CTNNA1: variants seen among roughly 807,000 people sequenced by gnomAD.
CTNNA1 encodes the protein catenin alpha-1.
CTNNA1 carries 37 observed loss-of-function variants against 98.4 expected under a neutral mutation model. The ratio of observed to expected loss-of-function variants is 0.38; its 90% CI spans 0.29 to 0.49. CTNNA1 has a LOEUF of 0.49. Ranked by LOEUF, CTNNA1 falls within the 20% of genes least tolerant of loss-of-function variation. The pLI, the probability that CTNNA1 is intolerant of heterozygous loss-of-function variation, is 0.95. For missense variants in CTNNA1, 761 were observed against 1,147.2 expected (o/e 0.66, Z 4.86); for synonymous variants, 404 against 413.2 (o/e 0.98, Z 0.27).
At chr5:138,897,567 A>T (rs977169162) in intron 9 of CTNNA1, among the ~76,000 whole-genome samples, 1 of 152,030 alleles carries the variant, frequency 6.6e-6, no homozygotes, top group African/African-American at 2.4e-5. Context: ...TTCTGGCAAA[A>T]AGCAAATTTT....
At position 138,839,568 on chromosome 5, in the gene CTNNA1, A is replaced by G. The variant is rs143694840; in HGVS notation, c.1062+11850A>G. 6.0e-4 allele frequency among the ~76,000 whole-genome samples: 91 copies of G among 152,218 alleles called. 1 individual carries two copies. Among genetic ancestry groups the G allele is most frequent in the African/African-American group, 2.1e-3 (86 of 41,514 alleles). On this transcript the variant is annotated intron_variant, in intron 7 of 17. Transcript: ENST00000302763. ...TCTAGTTGGTTGATGGCATTGTTCT[A>G]TAGCTTGCTGTTTTTTTAGTTGGGG...
At chr5:138,891,218 G>C (rs1755276088) in intron 9 of CTNNA1, 1 of 152,162 alleles carries the variant, frequency 6.6e-6, no homozygotes, top group South Asian at 2.1e-4. Flanking sequence ...CAGAGTGAGT[G>C]GTCCTTTCTC....
At chr5:138,769,971 C>G (rs565317694) in intron 1 of CTNNA1, among the ~76,000 whole-genome samples, 1 of 152,098 alleles carries the variant, frequency 6.6e-6, no homozygotes, top group South Asian at 2.1e-4. Context: ...CTCAGCCTCC[C>G]AAGTAGCTGG....
At chr5:138,811,955 A>AG (rs940470502) in intron 4 of CTNNA1, 1 of 368,780 alleles carries the variant, frequency 2.7e-6, no homozygotes, top group Non-Finnish European at 5.0e-6. Context: ...AGGGAGGGGA[A>AG]GGGGGAGGGA....
At chr5:138,762,690 A>G (rs1752498902) in intron 1 of CTNNA1, among the ~76,000 whole-genome samples, 1 of 151,908 alleles carries the variant, frequency 6.6e-6, no homozygotes, top group Non-Finnish European at 1.5e-5. Context: ...TGTAATGTAA[A>G]TACAGTTCAC....
At chr5:138,760,938 G>T (rs1293660273) in intron 1 of CTNNA1, among the ~76,000 whole-genome samples, 3 of 152,118 alleles carry the variant, frequency 2.0e-5, no homozygotes, top group African/African-American at 7.2e-5. Flanking sequence ...GGGCTGGTTG[G>T]ATATATAATA....
At chr5:138,905,779 G>A (rs1401142181) in intron 10 of CTNNA1, among the ~76,000 whole-genome samples, 2 of 152,180 alleles carry the variant, frequency 1.3e-5, no homozygotes, top group African/African-American at 4.8e-5. Context: ...TCATTCCAGG[G>A]ATTTCTAAGG....
At chr5:138,846,303 T>C (rs1347405410) in intron 7 of CTNNA1, among the ~76,000 whole-genome samples, 1 of 152,194 alleles carries the variant, frequency 6.6e-6, no homozygotes, top group Non-Finnish European at 1.5e-5. Flanking sequence ...AAATTGACTG[T>C]AGTAATGGTT....
intron 7 of CTNNA1, among the ~76,000 whole-genome samples, chr5:138,856,550 C>T (rs1476151137): frequency 6.6e-6 from 1 of 152,140 alleles, no homozygotes; most frequent in African/African-American, 2.4e-5. Flanking sequence ...TCGTGTTGCC[C>T]AGGCTGGTCT....
At chr5:138,919,400 GTCC>G (rs2150245364) in intron 11 of CTNNA1, among the ~76,000 whole-genome samples, 1 of 152,286 alleles carries the variant, frequency 6.6e-6, no homozygotes, top group African/African-American at 2.4e-5. Context: ...GGGATTTTCA[GTCC>G]TCCTTACAGC....
At chr5:138,905,252 T>C (rs934338547) in intron 10 of CTNNA1, among the ~76,000 whole-genome samples, 1 of 152,152 alleles carries the variant, frequency 6.6e-6, no homozygotes, top group Non-Finnish European at 1.5e-5. Flanking sequence ...ATCACACCAC[T>C]GCACTCCAGC....
intron 9 of CTNNA1, among the ~76,000 whole-genome samples, chr5:138,897,653 C>T (rs558161088): frequency 6.6e-6 from 1 of 152,186 alleles, no homozygotes; most frequent in South Asian, 2.1e-4. Flanking sequence ...AGAATGCTGA[C>T]CTTGGATTCC....
At chr5:138,923,514 G>GT (rs893754939) in intron 11 of CTNNA1, among the ~76,000 whole-genome samples, 12 of 152,108 alleles carry the variant, frequency 7.9e-5, no homozygotes, top group Non-Finnish European at 1.6e-4. Flanking sequence ...CTGGAAAGGT[G>GT]TTTTTTGTTT....
At chr5:138,812,139 T>G in intron 4 of CTNNA1, 44 bp from the exon 5 acceptor site, 1 of 1,585,292 alleles carries the variant, frequency 6.3e-7, no homozygotes, top group Non-Finnish European at 8.6e-7. Context: ...TTTACAGACC[T>G]ACATTCAGAA....
In CTNNA1 at chr5:138,873,924, C is replaced by T. The variant is rs544871026; in HGVS notation, c.1063-12288C>T. 6.2e-7 allele frequency: 1 copy of T among 1,613,980 alleles called. No homozygotes were observed. The highest frequency in any genetic ancestry group is 2.2e-5 in the East Asian group (1 of 44,880). ...TTAATCTTCGTCAGCTGGTTGTGCT[C>T]TAGGTGAAGCTCTCTCAGTTTAATT... On this transcript the variant is annotated intron_variant, in intron 7 of 17. Transcript: ENST00000302763. This position sits in a 1 kb window ranked among gnomAD's most constrained non-coding sequence, Gnocchi z 6.1.
intron 13 of CTNNA1, among the ~76,000 whole-genome samples, chr5:138,925,790 G>GAGGGGCTGCAGGC (rs1418538332): frequency 3.9e-5 from 6 of 152,218 alleles, no homozygotes; most frequent in Non-Finnish European, 8.8e-5. Context: ...CCTCTCTTCG[G>GAGGGGCTGCAGGC]AGGGGCTGCA....
At chr5:138,765,627 A>G (rs1171787633) in intron 1 of CTNNA1, among the ~76,000 whole-genome samples, 3 of 152,148 alleles carry the variant, frequency 2.0e-5, no homozygotes, top group Admixed American at 2.0e-4. Flanking sequence ...TTATGAACTC[A>G]GGAGATCAGG....
intron 5 of CTNNA1, among the ~76,000 whole-genome samples, chr5:138,817,169 A>G (rs1759520853): frequency 6.6e-6 from 1 of 152,194 alleles, no homozygotes. Flanking sequence ...TGTTGTGCAG[A>G]AGATTTTTAG....
At chr5:138,861,605 GC>G (rs1764289288) in intron 7 of CTNNA1, among the ~76,000 whole-genome samples, 1 of 152,170 alleles carries the variant, frequency 6.6e-6, no homozygotes, top group Admixed American at 6.5e-5. Flanking sequence ...CAGCAAGAGA[GC>G]AACTTTTATT....
Sources: gnomAD v4.1 joint callset for allele counts (sites outside exome capture counted in the v4.1 genomes callset) on GRCh38, gnomAD v4.1.1 for gene constraint, Gnocchi (gnomAD v3.1) non-coding constraint, MANE v1.5 for transcripts, NCBI Gene and HGNC (gene_info 2026-07-23, HGNC 2026-07-21) for gene names.